Variants in ADCY2 observed in about 807,000 individuals in gnomAD.
ADCY2 encodes adenylate cyclase 2.
Under a neutral mutation model 125.2 loss-of-function variants are expected in ADCY2, and 31 were observed. The ratio of observed to expected loss-of-function variants is 0.25; its 90% CI spans 0.19 to 0.33. The LOEUF (loss-of-function observed/expected upper bound fraction) is 0.33, where lower values mean the gene tolerates loss of function less well. Among genes scored for constraint, ADCY2 ranks in the 10% least tolerant of loss-of-function variants. The probability of loss-of-function intolerance (pLI) is 1.00; values close to 1 mark genes in which losing one functional copy is unlikely to be tolerated. For synonymous variants in ADCY2, 512 were observed against 548.4 expected, an observed-to-expected ratio of 0.93 and a Z score of 0.93; for missense variants, 904 against 1,418.2, an observed-to-expected ratio of 0.64 and a Z score of 5.82.
chr5:7,829,895 T>A lies in ADCY2; in HGVS notation c.*3024T>A, dbSNP rs553488987. ...GAGTCTGAGACCAGCCTGGGCAACA[T>A]AGCAAGACCCCCATCTCTGCAAAAA... On this transcript the variant is annotated 3_prime_UTR_variant, in exon 25 of 25. Transcript: ENST00000338316. 6.6e-6 allele frequency: 1 copy of A among 151,992 alleles called. No homozygotes were observed. Among genetic ancestry groups the A allele is most frequent in the Non-Finnish European group, 1.5e-5 (1 of 68,048 alleles). The allele number at this position is 151,992 out of a possible 1,614,324, so 9.4% of individuals were successfully genotyped here.
chr5:7,677,533 T>C (rs1333312524), intron 4 of ADCY2, among the ~76,000 whole-genome samples: 1 of 152,202 alleles, frequency 6.6e-6, no homozygotes, highest in East Asian at 1.9e-4. Context: ...TTCCTGGGAC[T>C]GCTGCCCTGA....
chr5:7,449,502 A>G (rs1741395891), intron 2 of ADCY2, among the ~76,000 whole-genome samples: 1 of 152,248 alleles, frequency 6.6e-6, no homozygotes, highest in African/African-American at 2.4e-5. Context: ...AGAACAACCA[A>G]GAGGTGCCAG....
intron 4 of ADCY2, among the ~76,000 whole-genome samples, chr5:7,660,672 G>A (rs1451032300): frequency 6.6e-6 from 1 of 152,072 alleles, no homozygotes; most frequent in Non-Finnish European, 1.5e-5. Context: ...CTTCTTCAGG[G>A]GATCTCAGTC....
chr5:7,812,644 G>A (rs1055220811), intron 22 of ADCY2, among the ~76,000 whole-genome samples: 17 of 152,030 alleles, frequency 1.1e-4, no homozygotes, highest in Middle Eastern at 3.2e-3. Context: ...GCAGTGGCTC[G>A]TGCCTGTAAT....
At chr5:7,673,681 C>T (rs1740016944) in intron 4 of ADCY2, among the ~76,000 whole-genome samples, 1 of 152,234 alleles carries the variant, frequency 6.6e-6, no homozygotes, top group African/African-American at 2.4e-5. Context: ...GAAGTTGTCC[C>T]TGGTTGCAAC....
chr5:7,669,016 G>C (rs1165046173), intron 4 of ADCY2, among the ~76,000 whole-genome samples: 2 of 152,210 alleles, frequency 1.3e-5, no homozygotes, highest in Non-Finnish European at 1.5e-5. Context: ...CCCAGTATGA[G>C]GAGGCACAGC....
At chr5:7,711,036 C>G (rs1330022241) in intron 10 of ADCY2, among the ~76,000 whole-genome samples, 1 of 152,176 alleles carries the variant, frequency 6.6e-6, no homozygotes, top group African/African-American at 2.4e-5. Context: ...AAAATTAAGA[C>G]TTTTCTGCTG....
At chr5:7,698,785 C>T (rs779502390) in intron 7 of ADCY2, among the ~76,000 whole-genome samples, 19 of 152,142 alleles carry the variant, frequency 1.2e-4, no homozygotes, top group South Asian at 1.0e-3. Flanking sequence ...TCCAGTCTAT[C>T]GTTGGTGGAC....
intron 3 of ADCY2, among the ~76,000 whole-genome samples, chr5:7,620,335 T>G (rs1270531674): frequency 2.0e-5 from 3 of 152,234 alleles, no homozygotes; most frequent in African/African-American, 7.2e-5. Flanking sequence ...TTCCAGTCTT[T>G]TAGCCCAAAG....
intron 14 of ADCY2, among the ~76,000 whole-genome samples, chr5:7,741,595 A>C (rs1466450865): frequency 6.9e-5 from 10 of 145,270 alleles, no homozygotes; most frequent in African/African-American, 1.8e-4. Context: ...TATCACCATC[A>C]CCATCACCAT....
chr5:7,696,092 T>A (rs938898874), intron 6 of ADCY2, among the ~76,000 whole-genome samples: 1 of 152,236 alleles, frequency 6.6e-6, no homozygotes, highest in Non-Finnish European at 1.5e-5. Flanking sequence ...ATTTTAAAAC[T>A]TCCCCCTATG....
At chr5:7,627,308 A>G (rs1173384300) in intron 4 of ADCY2, among the ~76,000 whole-genome samples, 2 of 152,190 alleles carry the variant, frequency 1.3e-5, no homozygotes, top group Non-Finnish European at 1.5e-5. Flanking sequence ...AAAACAAACA[A>G]TGGAGACAAT....
chr5:7,416,677 T>C (rs1739960618), intron 2 of ADCY2, among the ~76,000 whole-genome samples: 1 of 152,186 alleles, frequency 6.6e-6, no homozygotes, highest in African/African-American at 2.4e-5. Flanking sequence ...AATAGTATTC[T>C]TATGCATCAA....
chr5:7,743,815 G>C, intron 15 of ADCY2, 63 bp downstream of exon 15: 1 of 1,530,644 alleles, frequency 6.5e-7, no homozygotes, highest in Non-Finnish European at 9.0e-7. Flanking sequence ...CTGATTTCTT[G>C]CCTAAAACTT....
chr5:7,425,491 A>G (rs1740354472), intron 2 of ADCY2, among the ~76,000 whole-genome samples: 1 of 152,268 alleles, frequency 6.6e-6, no homozygotes, highest in South Asian at 2.1e-4. Flanking sequence ...AGGCATGCAG[A>G]GAACCTGCTG....
intron 23 of ADCY2, among the ~76,000 whole-genome samples, chr5:7,818,353 C>CTTT (rs574092399): frequency 2.1e-5 from 3 of 141,116 alleles, no homozygotes; most frequent in African/African-American, 2.6e-5. Context: ...TTTTCTTTTT[C>CTTT]TTTTTTTTTT....
intron 3 of ADCY2, among the ~76,000 whole-genome samples, chr5:7,536,715 C>T (rs1734824529): frequency 6.6e-6 from 1 of 151,848 alleles, no homozygotes; most frequent in Middle Eastern, 3.4e-3. Context: ...TCATTCTCAG[C>T]GAACTATCAC....
intron 14 of ADCY2, among the ~76,000 whole-genome samples, chr5:7,729,978 C>T (rs1358917215): frequency 6.6e-6 from 1 of 151,986 alleles, no homozygotes; most frequent in Admixed American, 6.6e-5. Context: ...GTGCATTCAG[C>T]ACCCAAGTAG....
intron 4 of ADCY2, among the ~76,000 whole-genome samples, chr5:7,660,280 G>GAAGGA (rs1739481567): frequency 2.0e-5 from 3 of 151,356 alleles, no homozygotes; most frequent in Non-Finnish European, 4.4e-5. Context: ...AGGAAGGAAG[G>GAAGGA]AAGGAAGGAA....
Sources: gnomAD v4.1 joint callset for allele counts (sites outside exome capture counted in the v4.1 genomes callset) on GRCh38, gnomAD v4.1.1 for gene constraint, MANE v1.5 for transcripts, NCBI Gene and HGNC (gene_info 2026-07-23, HGNC 2026-07-21) for gene names.